Variants in WDR49 observed in about 807,000 individuals in gnomAD.
The protein encoded by WDR49 is WD repeat domain 49.
Under a neutral mutation model 119.5 loss-of-function variants are expected in WDR49, and 107 were observed. The ratio of observed to expected loss-of-function variants is 0.90; its 90% CI spans 0.77 to 1.05. WDR49 has a LOEUF of 1.05. WDR49 is among the 50% of genes least tolerant of loss of function. WDR49 has a pLI of 0.00. For synonymous variants in WDR49, 425 were observed against 418.8 expected, an observed-to-expected ratio of 1.01 and a Z score of -0.18; for missense variants, 1,240 against 1,220.5, an observed-to-expected ratio of 1.02 and a Z score of -0.24.
chr3:167,536,830 C>A lies in WDR49; in HGVS notation c.1954+40G>T, dbSNP rs750428848. ...TGAGCCAAAACAAACCAAAACAAAT[C>A]AAACTTCACCAATGATTGTCAAGTG... is the stretch of plus-strand genomic sequence containing the variant. On this transcript the variant is annotated intron_variant, in intron 11 of 18. Transcript: ENST00000682715. The A allele has an allele frequency of 8.5e-6, 12 of 1,418,140 alleles. No individual in the cohort carries two copies. The African/African-American group carries it at 8.9e-5, about 10-fold the overall frequency. The allele number at this position is 1,418,140 out of a possible 1,614,324, so 87.8% of individuals were successfully genotyped here. A position where few individuals can be genotyped will look rare whatever the true frequency, so the allele number is the denominator to read the frequency against.
intron 17 of WDR49, among the ~76,000 whole-genome samples, chr3:167,501,008 T>C (rs940030483): frequency 6.6e-6 from 1 of 152,142 alleles, no homozygotes; most frequent in Non-Finnish European, 1.5e-5. Context: ...ACAAGTCAGG[T>C]TCTATGTCAG....
intron 14 of WDR49, among the ~76,000 whole-genome samples, chr3:167,528,257 A>C (rs1367688506): frequency 6.6e-6 from 1 of 152,048 alleles, no homozygotes; most frequent in Non-Finnish European, 1.5e-5. Flanking sequence ...GAGGAAGGAA[A>C]GAAAAATATA....
At chr3:167,565,711 C>CA (rs1713553181) in intron 8 of WDR49, among the ~76,000 whole-genome samples, 1 of 151,978 alleles carries the variant, frequency 6.6e-6, no homozygotes, top group Non-Finnish European at 1.5e-5. Flanking sequence ...CAAGGAATAG[C>CA]AAGGAAGCCA....
intron 7 of WDR49, among the ~76,000 whole-genome samples, chr3:167,583,935 G>A (rs1269999532): frequency 6.6e-6 from 1 of 152,092 alleles, no homozygotes; most frequent in East Asian, 1.9e-4. Context: ...AAGGAAACAA[G>A]TCACTATGAG....
intron 2 of WDR49, among the ~76,000 whole-genome samples, chr3:167,643,912 C>G (rs909075723): frequency 6.6e-6 from 1 of 151,870 alleles, no homozygotes; most frequent in African/African-American, 2.4e-5. Context: ...TATAAAATAA[C>G]TTTGGGAAAT....
At chr3:167,481,963 C>T (rs76355963) in intron 18 of WDR49, among the ~76,000 whole-genome samples, 1,553 of 152,148 alleles carry the variant, frequency 0.01, 19 homozygotes, top group African/African-American at 0.036. Context: ...CAAAGTATAA[C>T]AAATATTTAA....
chr3:167,555,431 C>T (rs1187392569), intron 9 of WDR49, among the ~76,000 whole-genome samples: 2 of 152,084 alleles, frequency 1.3e-5, no homozygotes, highest in Non-Finnish European at 2.9e-5. Context: ...CAAGTGTTTC[C>T]CTGAGTTCCG....
At chr3:167,605,326 A>T (rs1716005252) in intron 5 of WDR49, among the ~76,000 whole-genome samples, 1 of 152,162 alleles carries the variant, frequency 6.6e-6, no homozygotes, top group South Asian at 2.1e-4. Context: ...CTATCTCCCT[A>T]GGAAATAAAT....
intron 9 of WDR49, among the ~76,000 whole-genome samples, chr3:167,558,031 A>C (rs971948071): frequency 1.3e-5 from 2 of 152,120 alleles, no homozygotes; most frequent in Non-Finnish European, 2.9e-5. Flanking sequence ...AGGCAGTAGG[A>C]TCATTTGAAC....
chr3:167,622,308 A>C (rs1473476373), intron 3 of WDR49, among the ~76,000 whole-genome samples: 2 of 152,086 alleles, frequency 1.3e-5, no homozygotes, highest in Non-Finnish European at 2.9e-5. Flanking sequence ...AGGCCAACGC[A>C]GGAGGATTAC....
At chr3:167,563,353 CAAAAAAAAAAAAAA>C (rs61247447) in intron 8 of WDR49, among the ~76,000 whole-genome samples, 1 of 55,854 alleles carries the variant, frequency 1.8e-5, no homozygotes, top group Non-Finnish European at 3.5e-5. Flanking sequence ...GATTCTGAAT[CAAAAAAAAAAAAAA>C]AAAAAAAAAA....
intron 3 of WDR49, among the ~76,000 whole-genome samples, chr3:167,625,490 GCA>G (rs1444109710): frequency 6.6e-6 from 1 of 151,966 alleles, no homozygotes; most frequent in African/African-American, 2.4e-5. Context: ...GAAAAATTAG[GCA>G]TGTATTCTGC....
Position 167,626,853 on chromosome 3 carries a change from T to C in WDR49, c.605A>G (p.Lys202Arg). Reference sequence around the variant, plus strand: ...CATTTTTTTATAAAGAGTCTGTACCTTGTTTACATTTTCCAGAGAAACCAG... The same window carrying C: ...CATTTTTTTATAAAGAGTCTGTACCCTGTTTACATTTTCCAGAGAAACCAG... ...TSLVSLENVN[K>R]IAVAFTSKEV... is the part of the protein sequence containing the mutation. Residue 202 changes from lysine to arginine, a missense_variant and splice_region_variant, in exon 3 of 19, where the codon AAG becomes AGG. Lys to Arg is a conservative substitution (Grantham distance 26). Coordinates refer to ENST00000682715, the MANE Select transcript of WDR49 (RefSeq NM_001366157.1). 8.0e-7 allele frequency: 1 copy of C among 1,249,220 alleles called. No individual in the cohort carries two copies. Among genetic ancestry groups the C allele is most frequent in the Non-Finnish European group, 1.0e-6 (1 of 996,540 alleles). 77.4% of individuals were successfully genotyped at this position (1,249,220 alleles called of 1,614,324 possible). A position where few individuals can be genotyped will look rare whatever the true frequency, so the allele number is the denominator to read the frequency against.
At chr3:167,643,479 G>T (rs1412990067) in intron 2 of WDR49, among the ~76,000 whole-genome samples, 1 of 152,082 alleles carries the variant, frequency 6.6e-6, no homozygotes, top group African/African-American at 2.4e-5. Context: ...CTAAACAGAT[G>T]AAAGAGATGT....
At chr3:167,522,669 T>A (rs1752496735) in intron 15 of WDR49, among the ~76,000 whole-genome samples, 185 bp from the exon 16 acceptor site, 2 of 152,158 alleles carry the variant, frequency 1.3e-5, no homozygotes, top group African/African-American at 4.8e-5. Context: ...AAGAGTTTCA[T>A]GTAACTTTAA....
chr3:167,524,178 G>T (rs951403410), intron 15 of WDR49, among the ~76,000 whole-genome samples: 6 of 151,936 alleles, frequency 3.9e-5, no homozygotes, highest in African/African-American at 1.5e-4. Flanking sequence ...GTGTTTTTTG[G>T]CCACATAAAT....
In WDR49 at chr3:167,560,221, C is replaced by G; in HGVS notation, c.1517G>C (p.Ser506Thr). The change falls in exon 9 of 19, where the codon AGC becomes ACC. Residue 506 changes from serine (S) to threonine (T), a missense_variant. By Grantham distance (58) the Ser-to-Thr change is moderately conservative. Transcript: ENST00000682715. The part of the protein sequence containing the change: ...LYNSILKQVI[S>T]SDTGSTVSFW... ...GGAAACAGTAGACCCTGTATCAGAG[C>G]TGATTACCTAAGAGAAAATAACATT... 6.2e-7 allele frequency: 1 copy of G among 1,611,734 alleles called. No individual in the cohort carries two copies. The highest frequency in any genetic ancestry group is 1.1e-5 in the South Asian group (1 of 90,514).
intron 16 of WDR49, among the ~76,000 whole-genome samples, chr3:167,516,642 ATTTCTAGTTCTAGATCCC>A (rs1295929133): frequency 6.6e-6 from 1 of 152,120 alleles, no homozygotes; most frequent in African/African-American, 2.4e-5. Context: ...GTCAAATGGT[ATTTCTAGTTCTAGATCCC>A]TGAGGAATCG....
chr3:167,557,987 G>A (rs6790455), intron 9 of WDR49, among the ~76,000 whole-genome samples: 20,538 of 152,082 alleles, frequency 0.14, 1,377 homozygotes, highest in Middle Eastern at 0.18. Context: ...ACAGTGGCAC[G>A]TGTTTGTAAT....
Sources: gnomAD v4.1 joint callset for allele counts (sites outside exome capture counted in the v4.1 genomes callset) on GRCh38, gnomAD v4.1.1 for gene constraint, MANE v1.5 for transcripts, NCBI Gene and HGNC (gene_info 2026-07-23, HGNC 2026-07-21) for gene names.